The following ACBD6 variants were observed in gnomAD, a reference collection of about 807,000 sequenced individuals.
The protein encoded by ACBD6 is acyl-CoA binding domain containing 6, also known as acyl-CoA-binding domain-containing protein 6.
ACBD6 carries 28 observed loss-of-function variants against 37.2 expected under a neutral mutation model. The ratio of observed to expected loss-of-function variants is 0.75; its 90% CI spans 0.56 to 1.03. The LOEUF (loss-of-function observed/expected upper bound fraction) is 1.03. Ranked by LOEUF, ACBD6 falls within the 50% of genes least tolerant of loss-of-function variation. ACBD6 has a pLI of 0.00. For synonymous variants in ACBD6, 113 were observed against 126.8 expected (o/e 0.89, Z 0.73); for missense variants, 340 against 337.4 (o/e 1.01, Z -0.06).
chr1:180,466,146 A>G (rs1448703142), intron 3 of ACBD6, among the ~76,000 whole-genome samples: 6 of 152,208 alleles, frequency 3.9e-5, no homozygotes, highest in Non-Finnish European at 2.9e-5. Flanking sequence ...AACCTAAAAT[A>G]AAAATTTTTT....
downstream of ACBD6, among the ~76,000 whole-genome samples, chr1:180,288,071 T>C (rs559743304): frequency 7.9e-5 from 12 of 152,330 alleles, no homozygotes; most frequent in South Asian, 2.1e-4. Flanking sequence ...TATTGTGAAA[T>C]ATGATCTGTC....
chr1:180,323,204 T>C (rs970113112), intron 6 of ACBD6, among the ~76,000 whole-genome samples: 17 of 152,196 alleles, frequency 1.1e-4, no homozygotes, highest in African/African-American at 3.1e-4. Context: ...CTGATGAATA[T>C]TGATTCAGAA....
At chr1:180,365,514 T>C (rs1161155174) in intron 6 of ACBD6, among the ~76,000 whole-genome samples, 1 of 152,208 alleles carries the variant, frequency 6.6e-6, no homozygotes, top group Non-Finnish European at 1.5e-5. Context: ...TCTTCAAATT[T>C]ATCAACATCC....
intron 7 of ACBD6, among the ~76,000 whole-genome samples, chr1:180,300,093 G>T (rs1219479535): frequency 2.0e-5 from 3 of 152,130 alleles, no homozygotes; most frequent in Non-Finnish European, 2.9e-5. Context: ...TTTGACAACT[G>T]CTATAATCAG....
chr1:180,424,194 G>A (rs1326838153), intron 4 of ACBD6, among the ~76,000 whole-genome samples: 2 of 152,008 alleles, frequency 1.3e-5, no homozygotes, highest in Non-Finnish European at 2.9e-5. Context: ...GGGCAAGTAA[G>A]TTAACTTCTC....
At chr1:180,480,198 A>C (rs1232963177) in intron 3 of ACBD6, among the ~76,000 whole-genome samples, 2 of 152,192 alleles carry the variant, frequency 1.3e-5, no homozygotes, top group African/African-American at 4.8e-5. Flanking sequence ...ATATACATTC[A>C]GATAAGTCAC....
exon 14 of ACBD6, chr1:180,271,529 G>C: frequency 6.2e-7 from 1 of 1,614,076 alleles, no homozygotes; most frequent in African/African-American, 1.3e-5. Flanking sequence ...CATGAGGGTC[G>C]TACAGGTGAG....
intron 3 of ACBD6, chr1:180,435,603 T>G: frequency 9.2e-7 from 1 of 1,086,190 alleles, no homozygotes; most frequent in South Asian, 1.3e-5. Context: ...AACTTTGCAG[T>G]TGGCTACAAG....
At chr1:180,387,688 G>A (rs1159188285) in intron 6 of ACBD6, among the ~76,000 whole-genome samples, 2 of 151,694 alleles carry the variant, frequency 1.3e-5, no homozygotes, top group Non-Finnish European at 2.9e-5. Context: ...CTCCAAGCAA[G>A]GGGGTGGCAT....
chr1:180,304,329 A>C (rs1244250461), intron 7 of ACBD6, among the ~76,000 whole-genome samples: 2 of 150,922 alleles, frequency 1.3e-5, no homozygotes, highest in African/African-American at 4.8e-5. Context: ...CCCTGTTTGC[A>C]GATGACATGA....
chr1:180,299,760 A>G (rs1650060531), intron 7 of ACBD6, among the ~76,000 whole-genome samples: 1 of 152,008 alleles, frequency 6.6e-6, no homozygotes, highest in African/African-American at 2.4e-5. Flanking sequence ...AGATGCAATG[A>G]TATTAGTATT....
chr1:180,452,948 A>G (rs920806772), intron 3 of ACBD6, among the ~76,000 whole-genome samples: 22 of 152,286 alleles, frequency 1.4e-4, no homozygotes, highest in African/African-American at 5.3e-4. Context: ...AAAAGGCCAG[A>G]ACCAGACGGA....
chr1:180,469,264 C>T (rs887103563), intron 3 of ACBD6, among the ~76,000 whole-genome samples: 2 of 152,114 alleles, frequency 1.3e-5, no homozygotes, highest in African/African-American at 4.8e-5. Context: ...TTCATCTTTG[C>T]CATACTCCAA....
At chr1:180,409,165 C>T (rs894625272) in intron 5 of ACBD6, among the ~76,000 whole-genome samples, 5 of 151,882 alleles carry the variant, frequency 3.3e-5, no homozygotes, top group Non-Finnish European at 7.4e-5. Flanking sequence ...AAATTTTTGC[C>T]TTAAAGGAGC....
chr1:180,338,779 C>T (rs1245470224), intron 6 of ACBD6, among the ~76,000 whole-genome samples: 1 of 152,142 alleles, frequency 6.6e-6, no homozygotes, highest in East Asian at 1.9e-4. Flanking sequence ...GCAATCTACT[C>T]ATCTGACAAA....
chr1:180,485,505 T>C (rs1571570804), intron 3 of ACBD6, among the ~76,000 whole-genome samples: 1 of 152,300 alleles, frequency 6.6e-6, no homozygotes, highest in Non-Finnish European at 1.5e-5. Flanking sequence ...AAGAAAGCCA[T>C]GTGAAGACAA....
intron 3 of ACBD6, among the ~76,000 whole-genome samples, chr1:180,467,476 A>G (rs1415526531): frequency 4.0e-5 from 6 of 150,570 alleles, no homozygotes; most frequent in Admixed American, 3.3e-4. Context: ...AAAAAAACAA[A>G]AACAAACAAA....
At chr1:180,467,654 A>T (rs1650404804) in intron 3 of ACBD6, among the ~76,000 whole-genome samples, 1 of 152,034 alleles carries the variant, frequency 6.6e-6, no homozygotes, top group South Asian at 2.1e-4. Context: ...TCTCTAAAAA[A>T]AATAAAATAA....
intron 3 of ACBD6, among the ~76,000 whole-genome samples, chr1:180,446,114 C>T (rs1000482050): frequency 6.6e-6 from 1 of 151,892 alleles, no homozygotes; most frequent in Non-Finnish European, 1.5e-5. Context: ...GATCTCCTCC[C>T]ACCTCAGCCT....
Sources: allele counts gnomAD v4.1 joint callset (sites outside exome capture counted in the v4.1 genomes callset), GRCh38; gene constraint gnomAD v4.1.1; transcripts MANE v1.5; gene names NCBI Gene and HGNC (gene_info 2026-07-23, HGNC 2026-07-21).